RBFOX1: variants seen among roughly 807,000 people sequenced by gnomAD.
The protein encoded by RBFOX1 is RNA binding fox-1 homolog 1.
Under a neutral mutation model 57.7 loss-of-function variants are expected in RBFOX1, and 8 were observed. The observed-to-expected ratio is 0.14, with a 90% CI of 0.08 to 0.25. The LOEUF is 0.25. Among genes scored for constraint, RBFOX1 ranks in the 10% least tolerant of loss-of-function variants. RBFOX1 has a pLI of 1.00. For synonymous variants in RBFOX1, 326 were observed against 222.4 expected, an observed-to-expected ratio of 1.47 and a Z score of -4.15; for missense variants, 611 against 548.5, an observed-to-expected ratio of 1.11 and a Z score of -1.14.
chr16:6,240,386 G>T (rs1188125251), intron 1 of RBFOX1, among the ~76,000 whole-genome samples: 1 of 152,076 alleles, frequency 6.6e-6, no homozygotes, highest in Non-Finnish European at 1.5e-5. Context: ...TTCATCTCTG[G>T]ATGGTGTGTA....
intron 4 of RBFOX1, among the ~76,000 whole-genome samples, chr16:7,184,457 A>T (rs2083326901): frequency 6.6e-6 from 1 of 152,232 alleles, no homozygotes; most frequent in Non-Finnish European, 1.5e-5. Flanking sequence ...GTGTCTGTTC[A>T]TCTGCATTGC....
intron 1 of RBFOX1, among the ~76,000 whole-genome samples, chr16:6,291,862 A>G (rs1200181132): frequency 2.6e-5 from 4 of 152,180 alleles, no homozygotes; most frequent in Non-Finnish European, 5.9e-5. Context: ...AAGTAAATCT[A>G]AGATGATTGA....
At chr16:5,695,938 G>A (rs899724795) in intron 3 of RBFOX1, among the ~76,000 whole-genome samples, 4 of 152,072 alleles carry the variant, frequency 2.6e-5, no homozygotes, top group African/African-American at 9.7e-5. Context: ...AAATCGATAA[G>A]AGAAGAATTT....
At chr16:7,529,347 T>C (rs778003863) in intron 5 of RBFOX1, among the ~76,000 whole-genome samples, 31 of 152,232 alleles carry the variant, frequency 2.0e-4, no homozygotes, top group Non-Finnish European at 3.8e-4. Context: ...GATTAACTTA[T>C]GTTGGAGACA....
chr16:7,665,104 C>G, intron 13 of RBFOX1, 136 bp downstream of exon 13: 2 of 1,559,022 alleles, frequency 1.3e-6, no homozygotes, highest in Non-Finnish European at 1.8e-6. Flanking sequence ...CGTGGTTTGT[C>G]TTGCAGGACA....
chr16:6,975,555 C>T (rs895461859), intron 3 of RBFOX1, among the ~76,000 whole-genome samples: 2 of 152,194 alleles, frequency 1.3e-5, no homozygotes, highest in Admixed American at 6.5e-5. Context: ...GCGTGAGCCA[C>T]TGCACCTGGC....
chr16:7,088,748 C>A (rs1332190619), intron 4 of RBFOX1, among the ~76,000 whole-genome samples: 1 of 152,104 alleles, frequency 6.6e-6, no homozygotes, highest in African/African-American at 2.4e-5. Context: ...ATTTCTTATG[C>A]CAGTAACCAA....
intron 4 of RBFOX1, among the ~76,000 whole-genome samples, chr16:7,298,970 T>C (rs2095965526): frequency 6.6e-6 from 1 of 152,220 alleles, no homozygotes; most frequent in Non-Finnish European, 1.5e-5. Flanking sequence ...TCAACTGTAT[T>C]TGCTTTTACA....
At chr16:5,581,739 T>C (rs534278431) in intron 2 of RBFOX1, among the ~76,000 whole-genome samples, 2 of 152,140 alleles carry the variant, frequency 1.3e-5, no homozygotes, top group East Asian at 1.9e-4. Context: ...AGAAACACTG[T>C]ATAGTTGCAG....
chr16:7,492,569 A>G (rs915364409), intron 4 of RBFOX1, among the ~76,000 whole-genome samples: 1 of 152,198 alleles, frequency 6.6e-6, no homozygotes, highest in Non-Finnish European at 1.5e-5. Flanking sequence ...TCTTAGTGAT[A>G]TCATTTAGAT....
intron 4 of RBFOX1, among the ~76,000 whole-genome samples, chr16:5,870,394 G>GAAAAAAA (rs1567651086): frequency 7.6e-6 from 1 of 130,936 alleles, no homozygotes; most frequent in African/African-American, 2.9e-5. Context: ...AAAAAAAAAT[G>GAAAAAAA]AAGGCACTTG....
intron 1 of RBFOX1, among the ~76,000 whole-genome samples, chr16:5,285,089 C>T (rs565232269): frequency 6.6e-6 from 1 of 152,186 alleles, no homozygotes; most frequent in South Asian, 2.1e-4. Flanking sequence ...TCTGGAACTC[C>T]AAGAATTTCA....
intron 3 of RBFOX1, among the ~76,000 whole-genome samples, chr16:6,682,016 C>T (rs1780913603): frequency 6.6e-6 from 1 of 152,158 alleles, no homozygotes; most frequent in Non-Finnish European, 1.5e-5. Context: ...GAAGGATACA[C>T]CCTTACTCCT....
chr16:6,586,900 A>C (rs1396141208), intron 2 of RBFOX1, among the ~76,000 whole-genome samples: 2 of 152,198 alleles, frequency 1.3e-5, no homozygotes, highest in Non-Finnish European at 2.9e-5. Flanking sequence ...ATTGACACTA[A>C]AAATTGTATA....
intron 2 of RBFOX1, among the ~76,000 whole-genome samples, chr16:6,633,317 G>A (rs189192734): frequency 1.1e-4 from 17 of 151,988 alleles, no homozygotes; most frequent in South Asian, 2.1e-4. Flanking sequence ...CACTCTTGTC[G>A]CCCAGGCTGG....
At chr16:6,991,185 G>C (rs750920781) in intron 3 of RBFOX1, among the ~76,000 whole-genome samples, 16 of 143,714 alleles carry the variant, frequency 1.1e-4, no homozygotes, top group Non-Finnish European at 1.7e-4. Context: ...TGTACCTTTA[G>C]TTCCAGTTAC....
intron 7 of RBFOX1, among the ~76,000 whole-genome samples, chr16:7,591,155 A>T (rs1471445378): frequency 2.0e-5 from 3 of 152,124 alleles, no homozygotes; most frequent in African/African-American, 7.2e-5. Flanking sequence ...TTGCGTAAGA[A>T]TTTCCCAGGG....
At chr16:6,766,400 C>T (rs556541519) in intron 3 of RBFOX1, among the ~76,000 whole-genome samples, 11 of 152,032 alleles carry the variant, frequency 7.2e-5, no homozygotes, top group South Asian at 2.1e-4. Flanking sequence ...TTATTATTGT[C>T]CCTGTAGCCT....
chr16:7,484,868 T>C (rs142060476), intron 4 of RBFOX1, among the ~76,000 whole-genome samples: 1 of 152,294 alleles, frequency 6.6e-6, no homozygotes, highest in African/African-American at 2.4e-5. Flanking sequence ...ATGGCCACCT[T>C]TGGGCTATCA....
Sources: gnomAD v4.1 joint callset for allele counts (sites outside exome capture counted in the v4.1 genomes callset) on GRCh38, gnomAD v4.1.1 for gene constraint, MANE v1.5 for transcripts, NCBI Gene and HGNC (gene_info 2026-07-23, HGNC 2026-07-21) for gene names.